The following ADARB2 variants were observed in gnomAD, a reference collection of about 807,000 sequenced individuals.
ADARB2 encodes inactive double-stranded RNA-specific editase B2.
Under a neutral mutation model 62.2 loss-of-function variants are expected in ADARB2, and 25 were observed. The observed-to-expected ratio is 0.40, with a 90% CI of 0.29 to 0.56. The LOEUF is 0.56. Among genes scored for constraint, ADARB2 ranks in the 20% least tolerant of loss-of-function variants. The pLI, the probability that ADARB2 is intolerant of heterozygous loss-of-function variation, is 0.43. For synonymous variants in ADARB2, 572 were observed against 500.8 expected (o/e 1.14, Z -1.90); for missense variants, 1,071 against 1,077.4 (o/e 0.99, Z 0.08).
intron 1 of ADARB2, among the ~76,000 whole-genome samples, chr10:1,577,898 T>C (rs780874858): frequency 3.3e-5 from 5 of 152,032 alleles, no homozygotes; most frequent in Non-Finnish European, 5.9e-5. Context: ...AAAGAGGAGA[T>C]GAGGACACAG....
At chr10:1,274,613 A>C (rs1463498353) in intron 3 of ADARB2, among the ~76,000 whole-genome samples, 2 of 152,202 alleles carry the variant, frequency 1.3e-5, no homozygotes, top group African/African-American at 4.8e-5. Flanking sequence ...AGTGCATGCA[A>C]ACACAGATTT....
At chr10:1,543,996 A>AT (rs1832477685) in intron 1 of ADARB2, among the ~76,000 whole-genome samples, 1 of 30,796 alleles carries the variant, frequency 3.2e-5, no homozygotes. Flanking sequence ...ATGGCAGGTG[A>AT]CCAAAAAAAA....
intron 3 of ADARB2, among the ~76,000 whole-genome samples, chr10:1,346,660 G>A (rs545556169): frequency 4.6e-5 from 7 of 152,256 alleles, no homozygotes; most frequent in Non-Finnish European, 7.3e-5. Flanking sequence ...AAAGGCAAGA[G>A]CAAGGCCATC....
chr10:1,267,184 G>C (rs1831213358), intron 4 of ADARB2, among the ~76,000 whole-genome samples: 1 of 151,470 alleles, frequency 6.6e-6, no homozygotes, highest in Admixed American at 6.6e-5. Context: ...TGTGGGTGCT[G>C]GTCACTGCAG....
chr10:1,335,347 G>A (rs1831963959), intron 3 of ADARB2, among the ~76,000 whole-genome samples: 1 of 151,298 alleles, frequency 6.6e-6, no homozygotes, highest in Non-Finnish European at 1.5e-5. Flanking sequence ...TGGAAGAAAG[G>A]ATGAAGGGAA....
At chr10:1,460,619 TGC>T (rs1831160108) in intron 1 of ADARB2, among the ~76,000 whole-genome samples, 1 of 112,112 alleles carries the variant, frequency 8.9e-6, no homozygotes, top group Admixed American at 8.4e-5. Context: ...TGAGTTTACC[TGC>T]GTAGCAAACC....
intron 1 of ADARB2, among the ~76,000 whole-genome samples, chr10:1,709,803 G>C (rs936995481): frequency 6.6e-6 from 1 of 152,164 alleles, no homozygotes. Flanking sequence ...ACCTCAACCA[G>C]ACAACTACCT....
intron 1 of ADARB2, among the ~76,000 whole-genome samples, chr10:1,603,940 G>A (rs1033368516): frequency 2.0e-5 from 3 of 152,038 alleles, no homozygotes; most frequent in African/African-American, 7.2e-5. Flanking sequence ...GAGTAGCTGG[G>A]ATTACAGGTG....
At chr10:1,331,924 C>A (rs1438949944) in intron 3 of ADARB2, among the ~76,000 whole-genome samples, 1 of 152,142 alleles carries the variant, frequency 6.6e-6, no homozygotes, top group Non-Finnish European at 1.5e-5. Context: ...TCAGAGATTT[C>A]CTTCCCCATG....
chr10:1,379,263 G>A lies in ADARB2; in HGVS notation c.101-103C>T, dbSNP rs538056132. ...CTGAATGTTGGACAAGGGAGGTGGA[G>A]AGGTCACTTTGGTTTCAGCCATTTC... is the stretch of plus-strand genomic sequence containing the variant. On this transcript the variant is annotated intron_variant, in intron 1 of 9. Coordinates refer to ENST00000381312, the MANE Select transcript of ADARB2 (RefSeq NM_018702.4). The A allele has an allele frequency of 1.9e-5, 18 of 943,408 alleles. 1 individual carries two copies. In the South Asian group the frequency reaches 2.4e-4, roughly 13 times the overall value. 58.4% of individuals were successfully genotyped at this position (943,408 alleles called of 1,614,324 possible).
At chr10:1,500,495 AG>A (rs1464081308) in intron 1 of ADARB2, among the ~76,000 whole-genome samples, 1 of 152,236 alleles carries the variant, frequency 6.6e-6, no homozygotes, top group Admixed American at 6.5e-5. Context: ...TGATACTTCT[AG>A]GTTGATTCTA....
intron 1 of ADARB2, among the ~76,000 whole-genome samples, chr10:1,490,553 C>G (rs1445917226): frequency 2.6e-5 from 4 of 152,112 alleles, no homozygotes; most frequent in Non-Finnish European, 4.4e-5. Flanking sequence ...CTCCTGGGTT[C>G]AAATGATTCT....
intron 1 of ADARB2, among the ~76,000 whole-genome samples, chr10:1,389,274 G>C (rs185856838): frequency 6.6e-6 from 1 of 151,934 alleles, no homozygotes; most frequent in East Asian, 1.9e-4. Flanking sequence ...AACTACAAAA[G>C]AAAAAAATGA....
At position 1,549,184 on chromosome 10, in the gene ADARB2, AGGTGGAGTGG is replaced by A. The variant is rs1832574482; in HGVS notation, c.101-170034_101-170025del. 3.0e-4 allele frequency among the ~76,000 whole-genome samples: 2 copies of A among 6,674 alleles called. 1 individual carries two copies. The highest frequency in any genetic ancestry group is 0.01 in the South Asian group (2 of 192). 4.4% of individuals were successfully genotyped at this position (6,674 alleles called of 152,430 possible). A position where few individuals can be genotyped will look rare whatever the true frequency, so the allele number is the denominator to read the frequency against. On this transcript the variant is annotated intron_variant, in intron 1 of 9. Coordinates refer to ENST00000381312, the MANE Select transcript of ADARB2 (RefSeq NM_018702.4). ...GGGGGTCCCCTCCTCTCTCACTGAA[AGGTGGAGTGG>A]GGTGGGGCGTGGAGCTGGGGGGGTC...
chr10:1,649,673 G>A (rs1299317615), intron 1 of ADARB2, among the ~76,000 whole-genome samples: 1 of 152,206 alleles, frequency 6.6e-6, no homozygotes, highest in East Asian at 1.9e-4. Context: ...CCAGTCGGTG[G>A]GATATGCCCC....
chr10:1,477,940 AAG>A lies in ADARB2; in HGVS notation c.101-98782_101-98781del, dbSNP rs1349479225. On this transcript the variant is annotated intron_variant, in intron 1 of 9. Transcript: ENST00000381312. This position sits in a 1 kb window ranked among gnomAD's most constrained non-coding sequence, Gnocchi z 4.5. ...GGAAGAGCCCCTCTGCTGGAGGACT[AAG>A]AGGGTCCATGTGGGATCCTGTGATG... is the stretch of plus-strand genomic sequence containing the variant. 2.0e-5 allele frequency among the ~76,000 whole-genome samples: 3 copies of A among 152,188 alleles called. No individual in the cohort carries two copies. Among genetic ancestry groups the A allele is most frequent in the African/African-American group, 7.2e-5 (3 of 41,452 alleles).
chr10:1,379,012 G>T (rs1451854579), intron 2 of ADARB2, 62 bp downstream of exon 2: 15 of 1,469,604 alleles, frequency 1.0e-5, no homozygotes, highest in Non-Finnish European at 1.4e-5. Context: ...GGGGACTGCA[G>T]GGGACCCCTG....
intron 1 of ADARB2, among the ~76,000 whole-genome samples, chr10:1,505,757 C>T (rs1226709350): frequency 2.8e-5 from 4 of 143,070 alleles, no homozygotes; most frequent in Admixed American, 2.1e-4. Flanking sequence ...CCATGGCAGC[C>T]GCCTCCCCAT....
intron 1 of ADARB2, among the ~76,000 whole-genome samples, chr10:1,626,324 A>ACGCCTCAGGCACCTCT (rs1833768617): frequency 7.1e-6 from 1 of 140,668 alleles, no homozygotes; most frequent in Non-Finnish European, 1.5e-5. Context: ...ACGTCTGCCC[A>ACGCCTCAGGCACCTCT]TGCTCTCTCC....
Sources: allele counts gnomAD v4.1 joint callset (sites outside exome capture counted in the v4.1 genomes callset), GRCh38; gene constraint gnomAD v4.1.1; non-coding constraint Gnocchi (gnomAD v3.1); transcripts MANE v1.5; gene names NCBI Gene and HGNC (gene_info 2026-07-23, HGNC 2026-07-21).